NLGN1: variants seen among roughly 807,000 people sequenced by gnomAD.
NLGN1 encodes the protein neuroligin 1, also known as neuroligin-1.
NLGN1 carries 12 observed loss-of-function variants against 65.5 expected under a neutral mutation model. The observed-to-expected ratio is 0.18, with a 90% CI of 0.12 to 0.30. The LOEUF (loss-of-function observed/expected upper bound fraction) is 0.30, where lower values mean the gene tolerates loss of function less well. Ranked by LOEUF, NLGN1 falls within the 10% of genes least tolerant of loss-of-function variation. The pLI is 1.00. For missense variants in NLGN1, 750 were observed against 1,007.1 expected, an observed-to-expected ratio of 0.74 and a Z score of 3.46; for synonymous variants, 350 against 359.5, an observed-to-expected ratio of 0.97 and a Z score of 0.30.
chr3:174,228,089 T>G (rs1018048838), intron 4 of NLGN1, among the ~76,000 whole-genome samples: 5 of 152,112 alleles, frequency 3.3e-5, no homozygotes, highest in African/African-American at 1.2e-4. Context: ...TTTTTTACAT[T>G]GAAATTGTTT....
At chr3:173,410,919 C>T (rs779723133) in intron 1 of NLGN1, among the ~76,000 whole-genome samples, 3 of 152,202 alleles carry the variant, frequency 2.0e-5, no homozygotes, top group Admixed American at 6.5e-5. Context: ...TAATCCCACA[C>T]TTTCAAGGCA....
At chr3:173,762,965 T>C (rs868077811) in intron 3 of NLGN1, among the ~76,000 whole-genome samples, 7 of 143,254 alleles carry the variant, frequency 4.9e-5, no homozygotes, top group Non-Finnish European at 3.1e-5. Flanking sequence ...TTGTCTCTGA[T>C]ACACACACAC....
intron 2 of NLGN1, among the ~76,000 whole-genome samples, chr3:173,588,941 T>C (rs996868956): frequency 6.6e-6 from 1 of 152,192 alleles, no homozygotes; most frequent in Non-Finnish European, 1.5e-5. Flanking sequence ...GTTTTAATAA[T>C]ACACATATTA....
chr3:174,157,293 T>C (rs1725618110), intron 4 of NLGN1, among the ~76,000 whole-genome samples: 1 of 151,812 alleles, frequency 6.6e-6, no homozygotes, highest in South Asian at 2.1e-4. Flanking sequence ...ACTGGTAACC[T>C]TAGAACACGT....
intron 3 of NLGN1, among the ~76,000 whole-genome samples, chr3:173,650,612 T>G (rs1236558404): frequency 6.6e-6 from 1 of 152,216 alleles, no homozygotes; most frequent in Non-Finnish European, 1.5e-5. Flanking sequence ...GTTTACTTTT[T>G]TATTCACCAA....
intron 3 of NLGN1, among the ~76,000 whole-genome samples, chr3:173,617,200 A>C (rs994054093): frequency 6.6e-6 from 1 of 152,008 alleles, no homozygotes; most frequent in African/African-American, 2.4e-5. Flanking sequence ...TATCAAGATA[A>C]CCCTACCCTT....
intron 1 of NLGN1, among the ~76,000 whole-genome samples, chr3:173,428,151 T>C (rs2148727136): frequency 6.6e-6 from 1 of 152,034 alleles, no homozygotes; most frequent in South Asian, 2.1e-4. Context: ...TTTCCATTTG[T>C]ATGGAATCTT....
chr3:173,679,505 T>C (rs1409254391), intron 3 of NLGN1, among the ~76,000 whole-genome samples: 1 of 152,018 alleles, frequency 6.6e-6, no homozygotes, highest in Admixed American at 6.6e-5. Context: ...AGCTAGAAAA[T>C]TGGATAGGTT....
intron 2 of NLGN1, among the ~76,000 whole-genome samples, chr3:173,527,145 A>G (rs1735781595): frequency 6.6e-6 from 1 of 152,084 alleles, no homozygotes; most frequent in Admixed American, 6.5e-5. Context: ...GAACCTCTAC[A>G]CCTTTCTCCA....
chr3:173,537,510 GT>G (rs1413055444), intron 2 of NLGN1, among the ~76,000 whole-genome samples: 2 of 130,674 alleles, frequency 1.5e-5, no homozygotes, highest in African/African-American at 5.4e-5. Context: ...GTGTGTGTTT[GT>G]GTGTGTGTAA....
intron 4 of NLGN1, among the ~76,000 whole-genome samples, chr3:173,945,403 G>A (rs1746962807): frequency 6.6e-6 from 1 of 152,002 alleles, no homozygotes; most frequent in African/African-American, 2.4e-5. Flanking sequence ...GCTGGAATGT[G>A]CTCTAAGTGG....
In NLGN1 at chr3:174,129,365, A is replaced by G. The variant is rs868263983; in HGVS notation, c.647-145950A>G. 8.4e-5 allele frequency among the ~76,000 whole-genome samples: 10 copies of G among 118,464 alleles called. No homozygotes were observed. In the South Asian group the frequency reaches 2.5e-3, roughly 29 times the overall value. The allele number at this position is 118,464 out of a possible 152,430, so 77.7% of individuals were successfully genotyped here. A position where few individuals can be genotyped will look rare whatever the true frequency, so the allele number is the denominator to read the frequency against. On this transcript the variant is annotated intron_variant, in intron 4 of 6. Coordinates refer to ENST00000457714, the Ensembl canonical transcript of NLGN1. ...CACCCCCGGTTTACAACACACACAC[A>G]CACACACACACACACACACACACAC...
chr3:174,043,015 C>T (rs1732701763), intron 4 of NLGN1, among the ~76,000 whole-genome samples: 1 of 152,164 alleles, frequency 6.6e-6, no homozygotes, highest in Admixed American at 6.6e-5. Context: ...TGGTGGAAAG[C>T]ACCTCGTCAC....
chr3:173,410,206 C>T (rs1198155248), intron 1 of NLGN1, among the ~76,000 whole-genome samples: 1 of 152,148 alleles, frequency 6.6e-6, no homozygotes, highest in Non-Finnish European at 1.5e-5. Flanking sequence ...TATTCTAAAA[C>T]TCTAAAAAGT....
At chr3:173,490,792 C>T (rs1419367632) in intron 2 of NLGN1, among the ~76,000 whole-genome samples, 1 of 152,050 alleles carries the variant, frequency 6.6e-6, no homozygotes, top group Non-Finnish European at 1.5e-5. Flanking sequence ...TGTAGTTCTC[C>T]TTGAAGAGGT....
intron 4 of NLGN1, among the ~76,000 whole-genome samples, chr3:174,165,041 C>G (rs1328199425): frequency 6.6e-6 from 1 of 152,000 alleles, no homozygotes; most frequent in African/African-American, 2.4e-5. Context: ...AGATCTTTAG[C>G]CTCTTTGGTT....
At chr3:174,201,186 T>C (rs984625319) in intron 4 of NLGN1, among the ~76,000 whole-genome samples, 20 of 151,032 alleles carry the variant, frequency 1.3e-4, no homozygotes, top group African/African-American at 4.6e-4. Context: ...GAGGCTGCAG[T>C]GAACTGTGAT....
At chr3:173,432,768 T>G (rs1717419930) in intron 1 of NLGN1, among the ~76,000 whole-genome samples, 1 of 152,124 alleles carries the variant, frequency 6.6e-6, no homozygotes, top group African/African-American at 2.4e-5. Context: ...GTGCCTTTGT[T>G]GTTGTGTATA....
chr3:173,716,826 T>C (rs1422438879), intron 3 of NLGN1, among the ~76,000 whole-genome samples: 1 of 152,164 alleles, frequency 6.6e-6, no homozygotes, highest in Non-Finnish European at 1.5e-5. Context: ...TTGCCTATTG[T>C]TCCAAGGTGA....
Sources: gnomAD v4.1 joint callset for allele counts (sites outside exome capture counted in the v4.1 genomes callset) on GRCh38, gnomAD v4.1.1 for gene constraint, MANE v1.5 for transcripts, NCBI Gene and HGNC (gene_info 2026-07-23, HGNC 2026-07-21) for gene names.